Variants in MED25 observed in about 807,000 individuals in gnomAD.
The protein encoded by MED25 is mediator of RNA polymerase II transcription subunit 25.
Under a neutral mutation model 89.4 loss-of-function variants are expected in MED25, and 62 were observed. The observed-to-expected ratio is 0.69, with a 90% CI of 0.57 to 0.86. The LOEUF is 0.86. MED25 is among the 40% of genes least tolerant of loss of function. The pLI, the probability that MED25 is intolerant of heterozygous loss-of-function variation, is 0.00. For missense variants in MED25, 905 were observed against 1,005.2 expected, an observed-to-expected ratio of 0.90 and a Z score of 1.35; for synonymous variants, 449 against 427.9, an observed-to-expected ratio of 1.05 and a Z score of -0.61.
At chr19:49,832,868 G>C in intron 13 of MED25, 1 of 267,336 alleles carries the variant, frequency 3.7e-6, no homozygotes, top group South Asian at 4.0e-5. Flanking sequence ...CTTCCGGCCG[G>C]TAACCCCAGG....
rs1020881856 is a variant in MED25, at chr19:49,818,997, G to A, written c.181-175G>A. On this transcript the variant is annotated intron_variant, in intron 2 of 17. Transcript: ENST00000312865. Reference sequence around the variant, plus strand: ...CTGAGGGAGGAGGGGCCGGGGGCCTGGATTCCTGGGTCTGAGGGAGAAGGG... The same window carrying A: ...CTGAGGGAGGAGGGGCCGGGGGCCTAGATTCCTGGGTCTGAGGGAGAAGGG... The A allele has an allele frequency of 7.5e-6, 6 of 797,110 alleles. No individual in the cohort carries two copies. In the East Asian group the frequency reaches 1.6e-4, roughly 21 times the overall value. 49.4% of individuals were successfully genotyped at this position (797,110 alleles called of 1,614,324 possible).
chr19:49,830,059 CTG>C lies in MED25; in HGVS notation c.689-28_689-27del. ...TCTCTGCATCTTGAATCCCTTCTCT[CTG>C]GGGTTGGCCATCCCTCCTGCTCTCA... On this transcript the variant is annotated intron_variant, in intron 6 of 17. Transcript: ENST00000312865. The surrounding 1 kb of genome is among the most constrained non-coding windows in gnomAD (Gnocchi z 4.6). The C allele has an allele frequency of 6.2e-7, 1 of 1,600,936 alleles. No individual in the cohort carries two copies. Among genetic ancestry groups the C allele is most frequent in the African/African-American group, 1.3e-5 (1 of 74,864 alleles).
intron 3 of MED25, among the ~76,000 whole-genome samples, chr19:49,821,716 T>G (rs749482597): frequency 1.0e-4 from 15 of 150,066 alleles, no homozygotes; most frequent in Non-Finnish European, 2.2e-4. Context: ...CTTGGGAGGC[T>G]GAGGCAGGAG....
Position 49,836,728 on chromosome 19 carries a change from G to A in MED25, c.2147-119G>A, listed in dbSNP as rs778105071. ...GAAACAGCATATTTGTAACTAGATG[G>A]GGCCAGAAGGTGCTTCTGTTGGGTC... On this transcript the variant is annotated intron_variant, in intron 17 of 17. Coordinates refer to ENST00000312865, the MANE Select transcript of MED25 (RefSeq NM_030973.4). The surrounding 1 kb of genome is among the most constrained non-coding windows in gnomAD (Gnocchi z 5.1). The A allele has an allele frequency of 3.8e-6, 3 of 788,394 alleles. No homozygotes were observed. The highest frequency in any genetic ancestry group is 2.9e-5 in the South Asian group (2 of 68,466). 48.8% of individuals were successfully genotyped at this position (788,394 alleles called of 1,614,324 possible). A position where few individuals can be genotyped will look rare whatever the true frequency, so the allele number is the denominator to read the frequency against.
intron 3 of MED25, among the ~76,000 whole-genome samples, chr19:49,822,444 A>T (rs1398483384): frequency 6.6e-6 from 1 of 151,454 alleles, no homozygotes; most frequent in African/African-American, 2.4e-5. Context: ...TCAAAAAAAA[A>T]TTGTTTTTTT....
rs755392763 is a variant in MED25, at chr19:49,835,817, C to A, written c.1837C>A (p.Pro613Thr). ...GQPQPQGTAQ[P>T]PPGAPQGPPG... The stretch of plus-strand genomic sequence containing the variant: ...GCCCCAGCCCCAAGGTACTGCCCAG[C>A]CCCCGCCAGGTGCCCCTCAAGGCCC... The change falls in exon 16 of 18, where the codon CCC (proline) becomes ACC (threonine). Residue 613 changes from proline (P) to threonine (T), a missense_variant. By Grantham distance (38) the Pro-to-Thr change is conservative. Coordinates refer to ENST00000312865, the MANE Select transcript of MED25 (RefSeq NM_030973.4). The surrounding 1 kb of genome is among the most constrained non-coding windows in gnomAD (Gnocchi z 6.2). The A allele has an allele frequency of 7.5e-6, 12 of 1,607,246 alleles. No individual in the cohort carries two copies. The highest frequency in any genetic ancestry group is 9.4e-6 in the Non-Finnish European group (11 of 1,175,464).
intron 3 of MED25, among the ~76,000 whole-genome samples, chr19:49,827,219 A>G (rs950304032): frequency 1.3e-5 from 2 of 152,198 alleles, no homozygotes; most frequent in Non-Finnish European, 2.9e-5. Flanking sequence ...TGGCAACCAC[A>G]GCTGCCCTTG....
rs773627830 is a variant in MED25, at chr19:49,819,310, C to A, written c.305+14C>A. On this transcript the variant is annotated intron_variant, in intron 3 of 17. Coordinates refer to ENST00000312865, the MANE Select transcript of MED25 (RefSeq NM_030973.4). ...CGATGGCATTAAGTGAGCTTTCCCC[C>A]ACTTGGGGTGGGTTGCTGGTCCCTG... 3.6e-6 allele frequency: 5 copies of A among 1,397,502 alleles called. No individual in the cohort carries two copies. The highest frequency in any genetic ancestry group is 3.5e-5 in the South Asian group (3 of 84,594). 86.6% of individuals were successfully genotyped at this position (1,397,502 alleles called of 1,614,324 possible).
At position 49,835,038 on chromosome 19, in the gene MED25, T is replaced by C; in HGVS notation, c.1535T>C (p.Met512Thr). ...HTAPCEVRVL[M>T]LLYSSKKKIF... ...GCGCCCTGTGAGGTGCGCGTGCTCA[T>C]GCTCCTGTACTCGTCCAAGAAGAAG... The change falls in exon 14 of 18, where the codon ATG becomes ACG. Residue 512 changes from methionine (M) to threonine (T), a missense_variant. Met to Thr is a moderately conservative substitution (Grantham distance 81, BLOSUM62 -1). Transcript: ENST00000312865. The surrounding 1 kb of genome is among the most constrained non-coding windows in gnomAD (Gnocchi z 6.2). 1 of 1,614,094 alleles carries C rather than the reference T, an allele frequency of 6.2e-7. No individual in the cohort carries two copies. Among genetic ancestry groups the C allele is most frequent in the Non-Finnish European group, 8.5e-7 (1 of 1,180,008 alleles).
At chr19:49,839,154 C>G (rs985304926), downstream of MED25, 25 of 241,726 alleles carry the variant, frequency 1.0e-4, no homozygotes, top group African/African-American at 4.3e-4. Context: ...TGTTAAGAAT[C>G]TTGATGTGAC....
Position 49,835,257 on chromosome 19 carries a change from C to T in MED25, c.1674+80C>T. On this transcript the variant is annotated intron_variant, in intron 14 of 17. Transcript: ENST00000312865. This position sits in a 1 kb window ranked among gnomAD's most constrained non-coding sequence, Gnocchi z 6.2. ...ACATGGCCCCCTGGGGTCTCCAGGA[C>T]CAAGATGCCCACCCTTCTCCCAATA... The T allele has an allele frequency of 7.0e-7, 1 of 1,437,826 alleles. No individual in the cohort carries two copies. Among genetic ancestry groups the T allele is most frequent in the Admixed American group, 1.7e-5 (1 of 59,598 alleles). 89.1% of individuals were successfully genotyped at this position (1,437,826 alleles called of 1,614,324 possible).
chr19:49,837,613 G>T (rs989595833), downstream of MED25, among the ~76,000 whole-genome samples: 3 of 152,170 alleles, frequency 2.0e-5, no homozygotes, highest in Non-Finnish European at 4.4e-5. Context: ...GGTGAGGCTG[G>T]GTGGTGGCGG....
chr19:49,822,331 A>G (rs2073989068), intron 3 of MED25, among the ~76,000 whole-genome samples: 1 of 150,208 alleles, frequency 6.7e-6, no homozygotes, highest in African/African-American at 2.4e-5. Context: ...TTGTAATCCT[A>G]GCTACTCAGG....
At chr19:49,828,377 G>A in intron 3 of MED25, 72 bp from the exon 4 acceptor site, 2 of 1,022,664 alleles carry the variant, frequency 2.0e-6, no homozygotes, top group Non-Finnish European at 3.1e-6. Flanking sequence ...CAGCATGGGA[G>A]CAGGCTCTTC....
At chr19:49,832,241 C>A in intron 12 of MED25, 67 bp from the exon 13 acceptor site, 1 of 1,534,452 alleles carries the variant, frequency 6.5e-7, no homozygotes, top group Non-Finnish European at 8.9e-7. Context: ...CACCCCCACT[C>A]CCTGCCTCAT....
chr19:49,828,184 A>G (rs1452291739), intron 3 of MED25, among the ~76,000 whole-genome samples: 1 of 151,654 alleles, frequency 6.6e-6, no homozygotes, highest in Non-Finnish European at 1.5e-5. Context: ...AACTGAGATC[A>G]TGCCACTGCA....
At position 49,834,111 on chromosome 19, in the gene MED25, C is replaced by T. The variant is rs1241231578; in HGVS notation, c.1483-875C>T. ...TTCCCTTTCTTCAAGACAGCAGAAA[C>T]TTTCTCAGATTCCAGAGCAGGCATT... On this transcript the variant is annotated intron_variant, in intron 13 of 17. Coordinates refer to ENST00000312865, the MANE Select transcript of MED25 (RefSeq NM_030973.4). This position sits in a 1 kb window ranked among gnomAD's most constrained non-coding sequence, Gnocchi z 4.1. 6.6e-6 allele frequency: 1 copy of T among 152,250 alleles called. No individual in the cohort carries two copies. The highest frequency in any genetic ancestry group is 2.4e-5 in the African/African-American group (1 of 41,426). 9.4% of individuals were successfully genotyped at this position (152,250 alleles called of 1,614,324 possible).
Position 49,830,961 on chromosome 19 carries a change from C to A in MED25, c.1101+74C>A. On this transcript the variant is annotated intron_variant, in intron 9 of 17. Coordinates refer to ENST00000312865, the MANE Select transcript of MED25 (RefSeq NM_030973.4). This position sits in a 1 kb window ranked among gnomAD's most constrained non-coding sequence, Gnocchi z 4.6. ...CAGCTAGGACAGTTAGAGGATGAGT[C>A]ATTTGCCTTCCAGGGGGATGTGGCT... 1.4e-6 allele frequency: 2 copies of A among 1,480,362 alleles called. No homozygotes were observed. Among genetic ancestry groups the A allele is most frequent in the Non-Finnish European group, 1.9e-6 (2 of 1,074,266 alleles). The allele number at this position is 1,480,362 out of a possible 1,614,324, so 91.7% of individuals were successfully genotyped here. A position where few individuals can be genotyped will look rare whatever the true frequency, so the allele number is the denominator to read the frequency against.
intron 3 of MED25, among the ~76,000 whole-genome samples, chr19:49,821,833 A>AT (rs2073984407): frequency 6.7e-6 from 1 of 149,736 alleles, no homozygotes; most frequent in South Asian, 2.1e-4. Flanking sequence ...AAAAAAAAAA[A>AT]AAAATTTTGT....
Sources: allele counts gnomAD v4.1 joint callset (sites outside exome capture counted in the v4.1 genomes callset), GRCh38; gene constraint gnomAD v4.1.1; non-coding constraint Gnocchi (gnomAD v3.1); transcripts MANE v1.5; gene names NCBI Gene and HGNC (gene_info 2026-07-23, HGNC 2026-07-21).